PIKFYVE: variants seen among roughly 807,000 people sequenced by gnomAD.
PIKFYVE encodes phosphoinositide kinase, FYVE-type zinc finger containing.
PIKFYVE carries 122 observed loss-of-function variants against 257.9 expected under a neutral mutation model. The observed-to-expected ratio is 0.47, with a 90% CI of 0.41 to 0.55. PIKFYVE has a LOEUF of 0.55. PIKFYVE is among the 20% of genes least tolerant of loss of function. PIKFYVE has a pLI of 0.00. For synonymous variants in PIKFYVE, 892 were observed against 868.9 expected (o/e 1.03, Z -0.47); for missense variants, 2,160 against 2,536.6 (o/e 0.85, Z 3.19).
At chr2:208,325,143 A>G in intron 19 of PIKFYVE, 106 bp downstream of exon 19, 8 of 1,574,924 alleles carry the variant, frequency 5.1e-6, no homozygotes, top group Non-Finnish European at 7.0e-6. Flanking sequence ...AAGTGAGGAT[A>G]GGCAACTGTG....
chr2:208,325,946 T>C lies in PIKFYVE; in HGVS notation c.3135T>C (p.Phe1045=), dbSNP rs1289044333. The C allele has an allele frequency of 2.5e-6, 4 of 1,613,988 alleles. No homozygotes were observed. Among genetic ancestry groups the C allele is most frequent in the Non-Finnish European group, 2.5e-6 (3 of 1,179,974 alleles). Residue 1045 remains phenylalanine, a synonymous_variant, in exon 20 of 42, where the codon TTT becomes TTC. Transcript: ENST00000264380. Reference sequence around the variant, plus strand: ...AACGAAAGACTTATTCTTTGGCCTTTAAGCAGGAATTAAAAGATGTGATCC... The same window carrying C: ...AACGAAAGACTTATTCTTTGGCCTTCAAGCAGGAATTAAAAGATGTGATCC... ...EDKRKTYSLA[F]KQELKDVILC...
At chr2:208,347,057 C>T (rs1370377417) in intron 34 of PIKFYVE, among the ~76,000 whole-genome samples, 2 of 152,180 alleles carry the variant, frequency 1.3e-5, no homozygotes, top group Admixed American at 6.5e-5. Flanking sequence ...AATCATGATC[C>T]TTTCCTGGTG....
At chr2:208,278,376 T>G (rs914689530) in intron 5 of PIKFYVE, among the ~76,000 whole-genome samples, 1 of 152,184 alleles carries the variant, frequency 6.6e-6, no homozygotes, top group African/African-American at 2.4e-5. Flanking sequence ...TACAACAGCT[T>G]TTTTGTTTGA....
At chr2:208,341,953 AT>A (rs11448755) in intron 31 of PIKFYVE, among the ~76,000 whole-genome samples, 3 of 150,620 alleles carry the variant, frequency 2.0e-5, no homozygotes, top group African/African-American at 7.3e-5. Flanking sequence ...TATGGTGCCA[AT>A]TTTTTTTTTC....
chr2:208,286,748 G>A (rs1039493767), intron 6 of PIKFYVE, among the ~76,000 whole-genome samples: 78 of 151,524 alleles, frequency 5.1e-4, no homozygotes, highest in Middle Eastern at 3.4e-3. Flanking sequence ...TTGAACTCCT[G>A]GCTTCAAGCG....
chr2:208,272,462 CAGT>C (rs1689554877), intron 2 of PIKFYVE, among the ~76,000 whole-genome samples: 1 of 152,076 alleles, frequency 6.6e-6, no homozygotes, highest in Admixed American at 6.5e-5. Flanking sequence ...TGGAAGCTGT[CAGT>C]AGGCTTCTTG....
intron 5 of PIKFYVE, among the ~76,000 whole-genome samples, chr2:208,278,286 G>T (rs1004506005): frequency 5.0e-5 from 2 of 39,848 alleles, no homozygotes; most frequent in Non-Finnish European, 1.1e-4. Flanking sequence ...AGATCTTTCT[G>T]TCTGCTCATT....
At position 208,330,593 on chromosome 2, in the gene PIKFYVE, G is replaced by A. The variant is rs1697424383; in HGVS notation, c.3862G>A (p.Gly1288Ser). ...ACATCATATTCGGCGCTTTGTTCAT[G>A]GCCAAGGCTGTGTGCAGATAATCCT... Reference protein sequence around the residue: ...MVHHIRRFVHGQGCVQIILKE... With the variant: ...MVHHIRRFVHSQGCVQIILKE... The change falls in exon 23 of 42, where the codon GGC (glycine) becomes AGC (serine). Residue 1288 changes from glycine to serine, a missense_variant. By Grantham distance (56) the Gly-to-Ser change is moderately conservative (BLOSUM62 0). This residue lies in a region of PIKFYVE where 55 missense variants were observed against 103.0 expected (regional missense o/e 0.53). Coordinates refer to ENST00000264380, the MANE Select transcript of PIKFYVE (RefSeq NM_015040.4). The A allele has an allele frequency of 6.2e-7, 1 of 1,614,178 alleles. No homozygotes were observed. The highest frequency in any genetic ancestry group is 8.5e-7 in the Non-Finnish European group (1 of 1,180,042).
intron 6 of PIKFYVE, among the ~76,000 whole-genome samples, chr2:208,288,402 C>T (rs921311235): frequency 6.6e-6 from 1 of 152,142 alleles, no homozygotes; most frequent in Non-Finnish European, 1.5e-5. Context: ...AATATTTGAA[C>T]TCAAGATTTC....
intron 7 of PIKFYVE, among the ~76,000 whole-genome samples, chr2:208,294,422 C>T (rs1324352965): frequency 6.6e-6 from 1 of 152,182 alleles, no homozygotes; most frequent in Non-Finnish European, 1.5e-5. Context: ...GATGCTTGTT[C>T]AGTGTCTTTG....
intron 7 of PIKFYVE, among the ~76,000 whole-genome samples, chr2:208,295,030 A>G (rs1399946427): frequency 2.7e-5 from 4 of 150,308 alleles, no homozygotes; most frequent in African/African-American, 9.7e-5. Context: ...AGCTTCAAGG[A>G]ATTTGTCAAT....
At chr2:208,302,113 T>C (rs1693767169) in intron 9 of PIKFYVE, 129 bp from the exon 10 acceptor site, 3 of 772,074 alleles carry the variant, frequency 3.9e-6, no homozygotes, top group Admixed American at 2.0e-5. Context: ...CCTTTACTTA[T>C]CCAAGGGCCA....
chr2:208,332,576 G>A (rs1559143576), intron 23 of PIKFYVE, among the ~76,000 whole-genome samples: 1 of 152,140 alleles, frequency 6.6e-6, no homozygotes, highest in Non-Finnish European at 1.5e-5. Flanking sequence ...AGGCACATCA[G>A]TAAGGATTGG....
intron 13 of PIKFYVE, among the ~76,000 whole-genome samples, chr2:208,312,586 A>C (rs1695050656): frequency 3.3e-5 from 5 of 152,238 alleles, no homozygotes; most frequent in African/African-American, 1.2e-4. Context: ...GTTTACACTT[A>C]ACTGTATTGT....
chr2:208,267,462 C>T (rs1358304314), intron 1 of PIKFYVE, among the ~76,000 whole-genome samples: 1 of 146,668 alleles, frequency 6.8e-6, no homozygotes, highest in Non-Finnish European at 1.5e-5. Context: ...TAGAAGCTAA[C>T]ATTTCCAATA....
At chr2:208,346,986 C>T (rs768921327) in intron 34 of PIKFYVE, among the ~76,000 whole-genome samples, 2 of 152,166 alleles carry the variant, frequency 1.3e-5, no homozygotes, top group Non-Finnish European at 2.9e-5. Context: ...GGCTCATGGC[C>T]ACTCCTGACT....
chr2:208,324,088 A>G (rs1023141648), intron 17 of PIKFYVE, 54 bp from the exon 18 acceptor site: 17 of 1,583,474 alleles, frequency 1.1e-5, no homozygotes, highest in African/African-American at 2.7e-5. Flanking sequence ...ATATTTTAAT[A>G]TGTCCAGATA....
intron 5 of PIKFYVE, among the ~76,000 whole-genome samples, chr2:208,278,937 A>G (rs2118298): frequency 0.99 from 151,310 of 152,350 alleles, 75,149 homozygotes; most frequent in Middle Eastern, 1. Flanking sequence ...GGATTCCTGA[A>G]TCAAATGGTA....
At chr2:208,317,837 A>C (rs1229222671) in intron 15 of PIKFYVE, 30 bp from the exon 16 acceptor site, 2 of 1,560,682 alleles carry the variant, frequency 1.3e-6, no homozygotes, top group Non-Finnish European at 8.8e-7. Flanking sequence ...TTATCATTGA[A>C]TTTTATTGTT....
Sources: allele counts gnomAD v4.1 joint callset (sites outside exome capture counted in the v4.1 genomes callset), GRCh38; gene constraint gnomAD v4.1.1; regional missense constraint gnomAD v4.1.1; transcripts MANE v1.5; gene names NCBI Gene and HGNC (gene_info 2026-07-23, HGNC 2026-07-21).